MED12L: variants seen among roughly 807,000 people sequenced by gnomAD.
The protein encoded by MED12L is mediator complex subunit 12L.
A neutral mutation model predicts 281.3 loss-of-function variants in MED12L; 60 were observed. That is an observed-to-expected ratio of 0.21 (90% CI 0.17 to 0.26). The LOEUF is 0.26. MED12L is among the 10% of genes least tolerant of loss of function. MED12L has a pLI of 1.00. For missense variants in MED12L, 2,146 were observed against 2,680.9 expected (o/e 0.80, Z 4.41); for synonymous variants, 974 against 987.2 (o/e 0.99, Z 0.25).
chr3:151,230,846 A>C lies in MED12L; in HGVS notation c.2250+37180A>C, dbSNP rs111841927. 6.8e-3 allele frequency among the ~76,000 whole-genome samples: 1,038 copies of C among 152,352 alleles called. 7 individuals are homozygous for C. The highest frequency in any genetic ancestry group is 0.016 in the South Asian group (76 of 4,828). On this transcript the variant is annotated intron_variant, in intron 16 of 44. Transcript: ENST00000687756. ...GCAGAAGTAGTGACTTCCCACTGTC[A>C]GTGAGCTCATCTTGTTTGGAACTCT...
At chr3:151,368,064 T>C (rs1041067307) in intron 24 of MED12L, 86 bp from the exon 25 acceptor site, 2 of 1,085,380 alleles carry the variant, frequency 1.8e-6, no homozygotes, top group East Asian at 2.5e-5. Context: ...AAATAATTAT[T>C]CCAGGAAATT....
intron 3 of MED12L, among the ~76,000 whole-genome samples, chr3:151,121,319 C>T (rs914062857): frequency 2.0e-5 from 3 of 152,110 alleles, no homozygotes; most frequent in East Asian, 1.9e-4. Flanking sequence ...AAAAAAAAGA[C>T]GGACTCCTTT....
chr3:151,404,917 A>G (rs372676448), intron 39 of MED12L, among the ~76,000 whole-genome samples: 1 of 152,198 alleles, frequency 6.6e-6, no homozygotes, highest in Non-Finnish European at 1.5e-5. Context: ...CATTTGATTG[A>G]GGGTGTAGTT....
chr3:151,152,206 C>T (rs1338296806), intron 5 of MED12L, among the ~76,000 whole-genome samples: 1 of 146,794 alleles, frequency 6.8e-6, no homozygotes, highest in Non-Finnish European at 1.5e-5. Flanking sequence ...CTCAAGCGGC[C>T]TTCTGACTTA....
intron 39 of MED12L, among the ~76,000 whole-genome samples, chr3:151,396,494 T>A (rs1714989403): frequency 6.6e-6 from 1 of 152,270 alleles, no homozygotes; most frequent in East Asian, 1.9e-4. Flanking sequence ...TGGTAGAGCA[T>A]GCCACACTGT....
intron 16 of MED12L, chr3:151,340,680 C>T (rs1751696907): frequency 6.6e-6 from 1 of 152,580 alleles, no homozygotes; most frequent in South Asian, 2.1e-4. Flanking sequence ...TGGTATTTTC[C>T]TTTTAATGTC....
intron 16 of MED12L, among the ~76,000 whole-genome samples, chr3:151,251,493 C>T (rs1010129250): frequency 1.3e-5 from 2 of 152,090 alleles, no homozygotes; most frequent in Admixed American, 6.6e-5. Context: ...AGGGTGTGTC[C>T]TCCACTCACC....
chr3:151,422,281 G>A (rs981535533), intron 43 of MED12L, among the ~76,000 whole-genome samples: 5 of 152,160 alleles, frequency 3.3e-5, no homozygotes, highest in East Asian at 3.8e-4. Context: ...AACAAAGTAC[G>A]CAAACTAGAT....
At chr3:151,393,211 T>A (rs549604046) in intron 38 of MED12L, among the ~76,000 whole-genome samples, 15 of 152,098 alleles carry the variant, frequency 9.9e-5, no homozygotes, top group Non-Finnish European at 2.2e-4. Context: ...CAAAGAGGAT[T>A]TGGGGGCTTC....
At position 151,090,531 on chromosome 3, in the gene MED12L, G is replaced by A. The variant is rs777038048; in HGVS notation, c.99+3506G>A. On this transcript the variant is annotated intron_variant, in intron 2 of 44. Coordinates refer to ENST00000687756, the MANE Select transcript of MED12L (RefSeq NM_001393769.1). Reference sequence around the variant, plus strand: ...CTGGCACCTGCACAATTAGTTCCTAGAAGGCTGAGGGCACAAATATTTATT... The same window carrying A: ...CTGGCACCTGCACAATTAGTTCCTAAAAGGCTGAGGGCACAAATATTTATT... Among the ~76,000 whole-genome samples, 146 of 152,306 alleles carry A rather than the reference G, an allele frequency of 9.6e-4. 1 individual carries two copies. Among genetic ancestry groups the A allele is most frequent in the Non-Finnish European group, 1.7e-3 (118 of 68,024 alleles).
At chr3:151,100,289 T>C (rs1721238116) in intron 2 of MED12L, among the ~76,000 whole-genome samples, 1 of 152,222 alleles carries the variant, frequency 6.6e-6, no homozygotes, top group African/African-American at 2.4e-5. Context: ...CCACATCCAA[T>C]GTGCTGCAGA....
At chr3:151,323,097 T>C (rs1749180592) in intron 16 of MED12L, among the ~76,000 whole-genome samples, 1 of 152,224 alleles carries the variant, frequency 6.6e-6, no homozygotes, top group South Asian at 2.1e-4. Context: ...GGAGGCATTA[T>C]GGATCCCATT....
At chr3:151,154,035 C>A (rs532782080) in intron 5 of MED12L, among the ~76,000 whole-genome samples, 2 of 152,350 alleles carry the variant, frequency 1.3e-5, no homozygotes, top group African/African-American at 4.8e-5. Context: ...CGTCTGGCCA[C>A]TGTCCGCTCA....
At chr3:151,260,501 C>T (rs373903764) in intron 16 of MED12L, among the ~76,000 whole-genome samples, 6 of 152,160 alleles carry the variant, frequency 3.9e-5, no homozygotes, top group East Asian at 3.9e-4. Context: ...AGGCGTGTAC[C>T]ACTGTGTCCA....
chr3:151,193,837 T>C, intron 16 of MED12L, 171 bp downstream of exon 16: 1 of 510,726 alleles, frequency 2.0e-6, no homozygotes, highest in South Asian at 4.4e-5. Context: ...TGTACTGAGG[T>C]TGTCCGAATT....
At chr3:151,223,494 G>A (rs531701757) in intron 16 of MED12L, among the ~76,000 whole-genome samples, 45 of 152,276 alleles carry the variant, frequency 3.0e-4, no homozygotes, top group African/African-American at 1.1e-3. Context: ...TATACACTGT[G>A]GAATACTATG....
chr3:151,206,640 A>ATATTTTTTT (rs1216609130), intron 16 of MED12L, among the ~76,000 whole-genome samples: 1 of 16,028 alleles, frequency 6.2e-5, no homozygotes, highest in South Asian at 2.3e-3. Flanking sequence ...CTAACACATT[A>ATATTTTTTT]TCTTTTTTTT....
chr3:151,256,451 G>C (rs1460732087), intron 16 of MED12L, among the ~76,000 whole-genome samples: 1 of 152,160 alleles, frequency 6.6e-6, no homozygotes, highest in African/African-American at 2.4e-5. Flanking sequence ...TCTTTCCCTT[G>C]GTCCCCATTG....
intron 16 of MED12L, among the ~76,000 whole-genome samples, chr3:151,289,775 A>G (rs532986645): frequency 6.6e-6 from 1 of 152,204 alleles, no homozygotes; most frequent in East Asian, 1.9e-4. Context: ...CCTAGTATCT[A>G]TTTGCAGATT....
Sources: allele counts gnomAD v4.1 joint callset (sites outside exome capture counted in the v4.1 genomes callset), GRCh38; gene constraint gnomAD v4.1.1; transcripts MANE v1.5; gene names NCBI Gene and HGNC (gene_info 2026-07-23, HGNC 2026-07-21).